The following KCNK2 variants were observed in gnomAD, a reference collection of about 807,000 sequenced individuals.
KCNK2 encodes potassium two pore domain channel subfamily K member 2.
In KCNK2, 21 loss-of-function variants were observed where a neutral mutation model predicts 40.5. The observed-to-expected ratio is 0.52, with a 90% confidence interval of 0.37 to 0.75. KCNK2 has a LOEUF of 0.75. Ranked by LOEUF, KCNK2 falls within the 30% of genes least tolerant of loss-of-function variation. The probability of loss-of-function intolerance (pLI) is 0.00; values close to 1 mark genes in which losing one functional copy is unlikely to be tolerated. For missense variants in KCNK2, 399 were observed against 531.6 expected (o/e 0.75, Z 2.45); for synonymous variants, 191 against 202.2 (o/e 0.94, Z 0.47).
intron 6 of KCNK2, among the ~76,000 whole-genome samples, chr1:215,211,823 G>A (rs921410595): frequency 2.0e-4 from 30 of 152,066 alleles, no homozygotes; most frequent in African/African-American, 7.0e-4. Flanking sequence ...AAAAGTTGAA[G>A]GGCTAGATTT....
intron 6 of KCNK2, among the ~76,000 whole-genome samples, chr1:215,219,059 A>G (rs962878677): frequency 7.2e-5 from 11 of 152,204 alleles, no homozygotes; most frequent in African/African-American, 2.4e-4. Context: ...CTGCTTCGTC[A>G]TGCAGTTTAT....
intron 1 of KCNK2, among the ~76,000 whole-genome samples, chr1:215,025,097 G>T (rs942092356): frequency 6.6e-6 from 1 of 152,032 alleles, no homozygotes; most frequent in African/African-American, 2.4e-5. Context: ...GGGTCACAGT[G>T]CCTGGGTTCA....
intron 5 of KCNK2, among the ~76,000 whole-genome samples, chr1:215,174,052 A>G (rs1187890077): frequency 6.6e-6 from 1 of 152,208 alleles, no homozygotes; most frequent in Admixed American, 6.5e-5. Context: ...GCCCATGCCT[A>G]TGTCCTGAAC....
chr1:215,204,977 G>A (rs1226503425), intron 6 of KCNK2, among the ~76,000 whole-genome samples: 3 of 152,110 alleles, frequency 2.0e-5, no homozygotes, highest in East Asian at 1.9e-4. Flanking sequence ...TCTAATAAAC[G>A]ACTCACATGC....
chr1:215,078,688 G>A (rs770480471), upstream of KCNK2, among the ~76,000 whole-genome samples: 3 of 152,134 alleles, frequency 2.0e-5, no homozygotes, highest in Non-Finnish European at 4.4e-5. Flanking sequence ...GGGACACAGA[G>A]CCAAACCATA....
chr1:215,007,035 AT>A (rs1656163410), intron 1 of KCNK2, among the ~76,000 whole-genome samples: 1 of 56,636 alleles, frequency 1.8e-5, no homozygotes, highest in African/African-American at 6.2e-5. Flanking sequence ...ATATATATAT[AT>A]ATGTGTGTGT....
At chr1:215,130,901 C>T (rs1266078452) in intron 3 of KCNK2, among the ~76,000 whole-genome samples, 1 of 151,834 alleles carries the variant, frequency 6.6e-6, no homozygotes, top group Non-Finnish European at 1.5e-5. Flanking sequence ...CGCTCTTTAG[C>T]CTAGGCCGGA....
chr1:215,085,366 T>C (rs1412899754), intron 1 of KCNK2, among the ~76,000 whole-genome samples: 1 of 152,216 alleles, frequency 6.6e-6, no homozygotes, highest in African/African-American at 2.4e-5. Context: ...GTAGTAGGTG[T>C]TTTATTTTCC....
At position 215,124,631 on chromosome 1, in the gene KCNK2, A is replaced by G. The variant is rs775432256; in HGVS notation, c.358-2A>G. The G allele has an allele frequency of 6.4e-7, 1 of 1,571,034 alleles. No homozygotes were observed. Among genetic ancestry groups the G allele is most frequent in the Non-Finnish European group, 8.8e-7 (1 of 1,140,834 alleles). On this transcript the variant is annotated splice_acceptor_variant, in intron 2 of 6. Transcript: ENST00000444842. LOFTEE classifies it high-confidence loss of function. ...CTGATAAATTTCTTTTTAAACTTGCAGCAAATAGTGGCAGCAATAAATGCA... is the reference window on the plus strand; with the variant it reads ...CTGATAAATTTCTTTTTAAACTTGCGGCAAATAGTGGCAGCAATAAATGCA...
At chr1:215,189,758 G>C (rs1664590777) in intron 5 of KCNK2, among the ~76,000 whole-genome samples, 1 of 152,120 alleles carries the variant, frequency 6.6e-6, no homozygotes, top group Admixed American at 6.6e-5. Context: ...CTCAGTCCTT[G>C]AAGCAGTGAG....
At chr1:215,036,770 T>G (rs1030018300) in intron 1 of KCNK2, among the ~76,000 whole-genome samples, 6 of 151,926 alleles carry the variant, frequency 3.9e-5, no homozygotes, top group Non-Finnish European at 8.8e-5. Flanking sequence ...TGGTATTTCA[T>G]ATATTTTGAT....
intron 3 of KCNK2, among the ~76,000 whole-genome samples, chr1:215,157,321 C>T (rs1195343938): frequency 1.3e-5 from 2 of 152,252 alleles, no homozygotes; most frequent in African/African-American, 4.8e-5. Flanking sequence ...AGTTTTCTGA[C>T]ACAAATGCAT....
At chr1:215,194,774 G>T (rs1268568936) in intron 5 of KCNK2, among the ~76,000 whole-genome samples, 179 bp from the exon 6 acceptor site, 1 of 152,056 alleles carries the variant, frequency 6.6e-6, no homozygotes, top group Non-Finnish European at 1.5e-5. Flanking sequence ...TGAAAAATAG[G>T]TAAGAATTAC....
intron 5 of KCNK2, among the ~76,000 whole-genome samples, chr1:215,194,119 T>C (rs1351450591): frequency 6.6e-6 from 1 of 152,182 alleles, no homozygotes; most frequent in East Asian, 1.9e-4. Flanking sequence ...TTCTTACTTG[T>C]GAAAATAAAA....
intron 1 of KCNK2, among the ~76,000 whole-genome samples, chr1:215,066,500 A>G (rs1658549067): frequency 6.6e-6 from 1 of 152,162 alleles, no homozygotes; most frequent in Non-Finnish European, 1.5e-5. Context: ...TCAAAAGAGA[A>G]TCCACCTCTT....
In KCNK2 at chr1:215,120,763, T is replaced by G. The variant is rs1049652283; in HGVS notation, c.358-3870T>G. On this transcript the variant is annotated intron_variant, in intron 2 of 6. Transcript: ENST00000444842. ...AGCCTATGAGTTCACTAGATTAGAG[T>G]GTATGAACCAATAACTTTATTTGAT... is the stretch of plus-strand genomic sequence containing the variant. 6.6e-5 allele frequency among the ~76,000 whole-genome samples: 10 copies of G among 152,192 alleles called. No individual in the cohort carries two copies. The East Asian group carries it at 1.7e-3, about 26-fold the overall frequency.
chr1:215,037,765 T>C (rs1028119354), intron 1 of KCNK2, among the ~76,000 whole-genome samples: 2 of 152,020 alleles, frequency 1.3e-5, no homozygotes, highest in Admixed American at 6.6e-5. Context: ...CTATAATTCT[T>C]AATAATTTGT....
chr1:215,094,097 T>G (rs973067636), intron 2 of KCNK2, among the ~76,000 whole-genome samples: 7 of 149,520 alleles, frequency 4.7e-5, no homozygotes, highest in African/African-American at 1.5e-4. Context: ...GTGTAAGCAC[T>G]CAGGTATATT....
At chr1:215,170,674 T>C (rs925809685) in intron 4 of KCNK2, among the ~76,000 whole-genome samples, 3 of 152,158 alleles carry the variant, frequency 2.0e-5, no homozygotes, top group Admixed American at 1.3e-4. Flanking sequence ...TGTGTTGAAA[T>C]AGAATCACAC....
Sources: gnomAD v4.1 joint callset for allele counts (sites outside exome capture counted in the v4.1 genomes callset) on GRCh38, gnomAD v4.1.1 for gene constraint, MANE v1.5 for transcripts, NCBI Gene and HGNC (gene_info 2026-07-23, HGNC 2026-07-21) for gene names.